The following BRI3 variants were observed in gnomAD, a reference collection of about 807,000 sequenced individuals.
BRI3 encodes the protein membrane protein BRI3.
A neutral mutation model predicts 12.8 loss-of-function variants in BRI3; 6 were observed. The ratio of observed to expected loss-of-function variants is 0.47; its 90% CI spans 0.26 to 0.93. BRI3 has a LOEUF of 0.93. Ranked by LOEUF, BRI3 falls within the 40% of genes least tolerant of loss-of-function variation. The probability of loss-of-function intolerance (pLI) is 0.15; values close to 1 mark genes in which losing one functional copy is unlikely to be tolerated. For synonymous variants in BRI3, 91 were observed against 76.1 expected (o/e 1.20, Z -1.02); for missense variants, 134 against 171.1 (o/e 0.78, Z 1.21).
chr7:98,292,479 C>A, downstream of BRI3: 1 of 698,790 alleles, frequency 1.4e-6, no homozygotes, highest in Non-Finnish European at 2.4e-6. Flanking sequence ...GAATTTTAAC[C>A]ATGACTCTCC....
chr7:98,305,546 A>G (rs950850058), upstream of BRI3, among the ~76,000 whole-genome samples: 2 of 152,092 alleles, frequency 1.3e-5, no homozygotes, highest in Non-Finnish European at 2.9e-5. Context: ...CAGCCTCCAG[A>G]GTAGATGGGA....
At chr7:98,307,917 G>A (rs371020581) in exon 2 of BRI3, 3 of 1,612,186 alleles carry the variant, frequency 1.9e-6, no homozygotes, top group African/African-American at 1.3e-5. Context: ...GAGTGTAGCA[G>A]TAATGGCTTT....
At chr7:98,298,140 C>A (rs1440465527) in intron 1 of BRI3, among the ~76,000 whole-genome samples, 1 of 152,216 alleles carries the variant, frequency 6.6e-6, no homozygotes, top group Non-Finnish European at 1.5e-5. Context: ...GTCTCCCCTG[C>A]CCCCTTGGGA....
chr7:98,299,311 G>A (rs1043734309), intron 1 of BRI3, among the ~76,000 whole-genome samples: 9 of 151,880 alleles, frequency 5.9e-5, no homozygotes, highest in South Asian at 4.2e-4. Context: ...GAGCCACCAC[G>A]CCTGACTGGT....
At chr7:98,315,526 CCTCTT>C in the BRI3 span, 1 of 1,524,338 alleles carries the variant, frequency 6.6e-7, no homozygotes, top group Non-Finnish European at 8.9e-7. Context: ...AGCAGAAGCG[CCTCTT>C]CTCTTCAAGC....
At chr7:98,301,900 C>T (rs913480132), upstream of BRI3, among the ~76,000 whole-genome samples, 5 of 152,148 alleles carry the variant, frequency 3.3e-5, no homozygotes, top group African/African-American at 1.2e-4. Context: ...GTGGAGGCTG[C>T]AGGGCACCAG....
chr7:98,321,798 G>A, the BRI3 span, among the ~76,000 whole-genome samples: 5 of 152,258 alleles, frequency 3.3e-5, no homozygotes, highest in East Asian at 1.9e-4. Flanking sequence ...TCAGCGGCCA[G>A]ATAAAAATGA....
At chr7:98,310,288 G>T in exon 2 of BRI3, 1 of 697,860 alleles carries the variant, frequency 1.4e-6, no homozygotes, top group Non-Finnish European at 2.3e-6. Flanking sequence ...TATTTCTTCT[G>T]AACTCACGCT....
chr7:98,316,671 T>C, the BRI3 span, among the ~76,000 whole-genome samples: 5 of 152,210 alleles, frequency 3.3e-5, no homozygotes, highest in Admixed American at 1.3e-4. Flanking sequence ...AAATAATGCA[T>C]CGCTGTTAAC....
chr7:98,308,850 A>T (rs1245578798), exon 2 of BRI3: 1 of 152,878 alleles, frequency 6.5e-6, no homozygotes, highest in African/African-American at 2.4e-5. Flanking sequence ...GTTCATTTTT[A>T]AATTTTTTTG....
chr7:98,307,498 T>C lies in BRI3; in HGVS notation n.145-17T>C, dbSNP rs1800702586. 3.5e-6 allele frequency: 5 copies of C among 1,432,192 alleles called. No homozygotes were observed. The East Asian group carries it at 1.3e-4, about 36-fold the overall frequency. 88.7% of individuals were successfully genotyped at this position (1,432,192 alleles called of 1,614,324 possible). On this transcript the variant is annotated splice_polypyrimidine_tract_variant and intron_variant and non_coding_transcript_variant, in intron 1 of 1. Transcript: ENST00000485422. ...CTAATAACTATGCATGCACCAAATG[T>C]ATCTCTACATGCACAGACATACAGA... is the stretch of plus-strand genomic sequence containing the variant.
intron 2 of BRI3, 89 bp from the exon 3 acceptor site, chr7:98,291,018 CTGGT>C (rs994269989): frequency 3.1e-5 from 45 of 1,449,756 alleles, no homozygotes; most frequent in African/African-American, 5.6e-5. Flanking sequence ...CTCATGGCCA[CTGGT>C]TGGTTATTGA....
downstream of BRI3, among the ~76,000 whole-genome samples, chr7:98,296,850 G>A (rs1800212822): frequency 1.3e-5 from 2 of 152,176 alleles, no homozygotes; most frequent in African/African-American, 4.8e-5. Context: ...CTCTTATCTG[G>A]TGGCCCCCAA....
intron 2 of BRI3, among the ~76,000 whole-genome samples, chr7:98,290,302 T>C (rs914463531): frequency 4.0e-5 from 6 of 149,798 alleles, no homozygotes; most frequent in Admixed American, 6.7e-5. Flanking sequence ...TTCACGCCAT[T>C]CTCCTGCCTC....
the BRI3 span, among the ~76,000 whole-genome samples, chr7:98,321,275 A>G: frequency 2.6e-5 from 4 of 152,260 alleles, no homozygotes; most frequent in Admixed American, 2.6e-4. Flanking sequence ...AACTCTAGGA[A>G]TAAAAAATGA....
downstream of BRI3, among the ~76,000 whole-genome samples, chr7:98,311,326 G>A (rs1562969042): frequency 6.6e-6 from 1 of 151,822 alleles, no homozygotes; most frequent in South Asian, 2.1e-4. Flanking sequence ...GGCGGATCAC[G>A]AGGTCAGGAG....
chr7:98,286,533 C>A lies in BRI3; in HGVS notation c.245+4080C>A, dbSNP rs541994918. Among the ~76,000 whole-genome samples, 3 of 152,284 alleles carry A rather than the reference C, an allele frequency of 2.0e-5. No individual in the cohort carries two copies. In the East Asian group the frequency reaches 5.8e-4, roughly 29 times the overall value. ...TTGAGAAGGTTGAAACCCACCTCAC[C>A]AACTCAGGTGGGCTCTTCCGGGTTT... On this transcript the variant is annotated intron_variant, in intron 2 of 2. Coordinates refer to ENST00000297290, the MANE Select transcript of BRI3 (RefSeq NM_015379.5).
upstream of BRI3, among the ~76,000 whole-genome samples, chr7:98,302,467 C>T (rs968862288): frequency 2.0e-5 from 3 of 152,200 alleles, no homozygotes; most frequent in Non-Finnish European, 4.4e-5. Context: ...GACGTCCACA[C>T]GTGCCTCCTC....
At chr7:98,288,681 G>C (rs1490041226) in intron 2 of BRI3, among the ~76,000 whole-genome samples, 2 of 151,948 alleles carry the variant, frequency 1.3e-5, no homozygotes, top group East Asian at 3.9e-4. Flanking sequence ...TTTTGAGAAC[G>C]AATGGACATA....
Sources: allele counts gnomAD v4.1 joint callset (sites outside exome capture counted in the v4.1 genomes callset), GRCh38; gene constraint gnomAD v4.1.1; transcripts MANE v1.5; gene names NCBI Gene and HGNC (gene_info 2026-07-23, HGNC 2026-07-21).